The following ARHGEF3 variants were observed in gnomAD, a reference collection of about 807,000 sequenced individuals.
ARHGEF3 encodes the protein 59.8 kDA protein.
A neutral mutation model predicts 63.2 loss-of-function variants in ARHGEF3; 28 were observed. The observed-to-expected ratio is 0.44, with a 90% CI of 0.33 to 0.61. The LOEUF (loss-of-function observed/expected upper bound fraction) is 0.61, where lower values mean the gene tolerates loss of function less well. ARHGEF3 is among the 20% of genes least tolerant of loss of function. ARHGEF3 has a pLI of 0.03. For synonymous variants in ARHGEF3, 266 were observed against 254.2 expected (o/e 1.05, Z -0.44); for missense variants, 533 against 659.3 (o/e 0.81, Z 2.10).
At chr3:57,068,345 T>C (rs963101787) in intron 1 of ARHGEF3, among the ~76,000 whole-genome samples, 1 of 152,210 alleles carries the variant, frequency 6.6e-6, no homozygotes, top group Non-Finnish European at 1.5e-5. Flanking sequence ...ATTTTCTTCA[T>C]TAGCATTTAT....
At chr3:56,827,938 C>G (rs1423401910) in intron 4 of ARHGEF3, among the ~76,000 whole-genome samples, 1 of 60,416 alleles carries the variant, frequency 1.7e-5, no homozygotes, top group African/African-American at 7.3e-5. Flanking sequence ...ACATGAGATT[C>G]TGTCTCAAAA....
chr3:56,899,283 C>T (rs1474185593), intron 3 of ARHGEF3, among the ~76,000 whole-genome samples: 2 of 152,188 alleles, frequency 1.3e-5, no homozygotes, highest in Non-Finnish European at 2.9e-5. Context: ...ATGGGTGGGG[C>T]ACCGGGAGAG....
intron 2 of ARHGEF3, among the ~76,000 whole-genome samples, chr3:56,985,827 A>ATGTGGGTATGT (rs1301643674): frequency 2.4e-4 from 36 of 152,266 alleles, no homozygotes; most frequent in Non-Finnish European, 4.1e-4. Context: ...AATGGACAAC[A>ATGTGGGTATGT]TACCCACAGG....
At chr3:56,960,290 G>A (rs1181946616) in intron 2 of ARHGEF3, among the ~76,000 whole-genome samples, 1 of 152,140 alleles carries the variant, frequency 6.6e-6, no homozygotes, top group Non-Finnish European at 1.5e-5. Context: ...TTATAGATAA[G>A]AGCACTGACG....
At chr3:56,987,370 C>T (rs760508578) in intron 2 of ARHGEF3, among the ~76,000 whole-genome samples, 2 of 152,194 alleles carry the variant, frequency 1.3e-5, no homozygotes, top group Admixed American at 1.3e-4. Context: ...TCAGGGCTCC[C>T]CCTCTTTGTC....
intron 2 of ARHGEF3, among the ~76,000 whole-genome samples, chr3:57,019,420 C>T (rs1703153899): frequency 6.6e-6 from 1 of 151,778 alleles, no homozygotes; most frequent in South Asian, 2.1e-4. Context: ...TCGGTGTGTT[C>T]CTAGGGAGGA....
chr3:56,745,702 C>T (rs1002776547), intron 6 of ARHGEF3, among the ~76,000 whole-genome samples: 2 of 151,758 alleles, frequency 1.3e-5, no homozygotes, highest in African/African-American at 2.4e-5. Flanking sequence ...GACGGAGTCT[C>T]GCTCTGTCAC....
intron 4 of ARHGEF3, among the ~76,000 whole-genome samples, chr3:56,838,372 A>C (rs2039191735): frequency 6.6e-6 from 1 of 152,230 alleles, no homozygotes; most frequent in Non-Finnish European, 1.5e-5. Context: ...CCATATTTTT[A>C]GCTGTTAAAA....
chr3:57,078,056 A>G (rs1706296243), intron 1 of ARHGEF3, among the ~76,000 whole-genome samples: 1 of 152,212 alleles, frequency 6.6e-6, no homozygotes, highest in Admixed American at 6.5e-5. Context: ...AAGAGCAGCT[A>G]ACACAGAGGA....
intron 1 of ARHGEF3, among the ~76,000 whole-genome samples, chr3:56,797,815 T>C (rs1042784087): frequency 4.6e-5 from 7 of 152,190 alleles, no homozygotes; most frequent in Non-Finnish European, 7.3e-5. Context: ...AAAGATAATA[T>C]TTTAAAGTAT....
chr3:57,040,053 G>A (rs1704114259), intron 1 of ARHGEF3, among the ~76,000 whole-genome samples: 1 of 152,158 alleles, frequency 6.6e-6, no homozygotes, highest in Non-Finnish European at 1.5e-5. Flanking sequence ...GAAATCAATG[G>A]TGGTGATTCC....
chr3:56,730,984 T>C (rs76922931), intron 9 of ARHGEF3, among the ~76,000 whole-genome samples: 2,618 of 152,302 alleles, frequency 0.017, 69 homozygotes, highest in African/African-American at 0.059. Flanking sequence ...ACTTGTAAAA[T>C]GGAGAAAACA....
At chr3:56,924,678 G>A (rs1384462776) in intron 3 of ARHGEF3, among the ~76,000 whole-genome samples, 2 of 152,200 alleles carry the variant, frequency 1.3e-5, no homozygotes, top group African/African-American at 4.8e-5. Context: ...ACTGGTGGGA[G>A]TGTAGCAGTG....
chr3:56,937,207 T>C (rs1363250213), intron 3 of ARHGEF3, among the ~76,000 whole-genome samples: 1 of 152,204 alleles, frequency 6.6e-6, no homozygotes, highest in Non-Finnish European at 1.5e-5. Context: ...AAACCAGTTA[T>C]AAAAGACAAC....
At chr3:57,015,524 T>C (rs1423515306) in intron 2 of ARHGEF3, among the ~76,000 whole-genome samples, 1 of 150,694 alleles carries the variant, frequency 6.6e-6, no homozygotes, top group African/African-American at 2.4e-5. Context: ...ACCTCAACAT[T>C]CTGGGCTCAA....
In ARHGEF3 at chr3:56,903,908, G is replaced by A. The variant is rs190036879; in HGVS notation, c.130-21554C>T. On this transcript the variant is annotated intron_variant, in intron 3 of 12. Coordinates refer to the ARHGEF3 transcript ENST00000338458. The stretch of plus-strand genomic sequence containing the variant: ...TTTGAGACAAGGTCTCACTCACCCA[G>A]GCTGGAGTGCAGAGGCATGATCACG... 4.8e-3 allele frequency among the ~76,000 whole-genome samples: 735 copies of A among 152,248 alleles called. 6 individuals are homozygous for A. Among genetic ancestry groups the A allele is most frequent in the Non-Finnish European group, 4.1e-3 (278 of 68,020 alleles).
intron 2 of ARHGEF3, among the ~76,000 whole-genome samples, chr3:57,026,322 G>A (rs758748818): frequency 1.3e-4 from 20 of 152,240 alleles, no homozygotes; most frequent in Non-Finnish European, 2.6e-4. Context: ...GATCACTTGA[G>A]CCCAAGAGGT....
intron 4 of ARHGEF3, among the ~76,000 whole-genome samples, chr3:56,832,204 G>A (rs192487119): frequency 1.3e-5 from 2 of 152,300 alleles, no homozygotes; most frequent in African/African-American, 4.8e-5. Context: ...TGTATTTGCT[G>A]TGATTTATTT....
intron 4 of ARHGEF3, among the ~76,000 whole-genome samples, chr3:56,880,097 T>A (rs1370834581): frequency 6.6e-6 from 1 of 152,170 alleles, no homozygotes; most frequent in African/African-American, 2.4e-5. Context: ...TCTTCCAACT[T>A]CTGCAATTAT....
Sources: gnomAD v4.1 joint callset for allele counts (sites outside exome capture counted in the v4.1 genomes callset) on GRCh38, gnomAD v4.1.1 for gene constraint, MANE v1.5 for transcripts, NCBI Gene and HGNC (gene_info 2026-07-23, HGNC 2026-07-21) for gene names.